The following CPNE8 variants were observed in gnomAD, a reference collection of about 807,000 sequenced individuals.
The protein encoded by CPNE8 is copine 8.
CPNE8 carries 45 observed loss-of-function variants against 81.5 expected under a neutral mutation model. That is an observed-to-expected ratio of 0.55 (90% CI 0.44 to 0.71). The LOEUF is 0.71. Among genes scored for constraint, CPNE8 ranks in the 30% least tolerant of loss-of-function variants. The probability of loss-of-function intolerance (pLI) is 0.00; values close to 1 mark genes in which losing one functional copy is unlikely to be tolerated. For synonymous variants in CPNE8, 252 were observed against 226.3 expected (o/e 1.11, Z -1.02); for missense variants, 594 against 672.1 (o/e 0.88, Z 1.28).
At chr12:38,905,326 A>C (rs1364585830) in intron 1 of CPNE8, 111 bp downstream of exon 1, 1 of 1,253,500 alleles carries the variant, frequency 8.0e-7, no homozygotes, top group Admixed American at 2.1e-5. Flanking sequence ...TTTCCCACTC[A>C]TGGCGCAACT....
At chr12:38,892,994 C>T (rs1041100448) in intron 1 of CPNE8, among the ~76,000 whole-genome samples, 1 of 150,682 alleles carries the variant, frequency 6.6e-6, no homozygotes, top group Non-Finnish European at 1.5e-5. Flanking sequence ...AATAATCTAA[C>T]ATAATAGTTC....
At chr12:38,736,915 G>A (rs1297241404) in intron 10 of CPNE8, among the ~76,000 whole-genome samples, 1 of 152,018 alleles carries the variant, frequency 6.6e-6, no homozygotes, top group Non-Finnish European at 1.5e-5. Context: ...ACTTTACTGT[G>A]CTCATGTCTG....
At chr12:38,741,127 A>C (rs1941090149) in intron 10 of CPNE8, among the ~76,000 whole-genome samples, 1 of 152,204 alleles carries the variant, frequency 6.6e-6, no homozygotes, top group Non-Finnish European at 1.5e-5. Context: ...TATAGATTCA[A>C]TGCCATCCCC....
At chr12:38,848,728 T>C (rs1470546789) in intron 3 of CPNE8, 66 bp from the exon 4 acceptor site, 1 of 1,464,930 alleles carries the variant, frequency 6.8e-7, no homozygotes, top group African/African-American at 1.5e-5. Context: ...GTATAGTACT[T>C]AATATCACAC....
chr12:38,767,400 CAAAT>C (rs1449809626), intron 8 of CPNE8, among the ~76,000 whole-genome samples: 1 of 151,850 alleles, frequency 6.6e-6, no homozygotes, highest in African/African-American at 2.4e-5. Context: ...AATTGTATAA[CAAAT>C]AAAGAGGAAA....
At chr12:38,656,526 T>G (rs1255981104) in intron 19 of CPNE8, among the ~76,000 whole-genome samples, 2 of 152,106 alleles carry the variant, frequency 1.3e-5, no homozygotes, top group Non-Finnish European at 1.5e-5. Flanking sequence ...TTAAACTCAT[T>G]TAAGTTTTTA....
intron 13 of CPNE8, among the ~76,000 whole-genome samples, chr12:38,718,152 T>C (rs1049191109): frequency 2.6e-5 from 4 of 152,108 alleles, no homozygotes; most frequent in African/African-American, 9.7e-5. Flanking sequence ...AAGGTTTTTG[T>C]TTATTTTATT....
intron 10 of CPNE8, among the ~76,000 whole-genome samples, chr12:38,744,670 T>C (rs1619885): frequency 0.81 from 122,869 of 152,100 alleles, 52,544 homozygotes; most frequent in Middle Eastern, 0.97. Flanking sequence ...ATTCTGAAGC[T>C]GTCATCTAGG....
intron 6 of CPNE8, among the ~76,000 whole-genome samples, chr12:38,799,261 C>A (rs556797981): frequency 6.6e-6 from 1 of 151,816 alleles, no homozygotes; most frequent in East Asian, 1.9e-4. Flanking sequence ...TTTCAGCACA[C>A]CACACCTATT....
chr12:38,735,297 C>A (rs952800959), intron 10 of CPNE8, among the ~76,000 whole-genome samples: 26 of 151,936 alleles, frequency 1.7e-4, no homozygotes, highest in African/African-American at 6.3e-4. Flanking sequence ...TATGATGACC[C>A]TAATTAAACG....
At chr12:38,736,530 A>T (rs1684417) in intron 10 of CPNE8, among the ~76,000 whole-genome samples, 1 of 151,648 alleles carries the variant, frequency 6.6e-6, no homozygotes, top group Admixed American at 6.6e-5. Flanking sequence ...TTTTAAAAAA[A>T]AGAATATATA....
chr12:38,762,053 A>T, intron 9 of CPNE8, 59 bp downstream of exon 9: 1 of 852,132 alleles, frequency 1.2e-6, no homozygotes, highest in South Asian at 3.3e-5. Flanking sequence ...ACTTCCTCAA[A>T]TCACTGTAGA....
chr12:38,660,052 T>C (rs891048695), intron 19 of CPNE8, among the ~76,000 whole-genome samples: 3 of 152,192 alleles, frequency 2.0e-5, no homozygotes, highest in Admixed American at 1.3e-4. Context: ...AGGCAATTTA[T>C]AGATTCAATG....
chr12:38,653,726 A>G lies in CPNE8; in HGVS notation c.*156T>C, dbSNP rs1486869814. On this transcript the variant is annotated 3_prime_UTR_variant, in exon 20 of 20. Transcript: ENST00000331366. ...ACAACCATATTTACAGTTTTGGTTT[A>G]GGAAGATATTTAAATTTGGATCCAA... 8.9e-7 allele frequency: 1 copy of G among 1,119,850 alleles called. No homozygotes were observed. The highest frequency in any genetic ancestry group is 1.2e-6 in the Non-Finnish European group (1 of 853,302). The allele number at this position is 1,119,850 out of a possible 1,614,324, so 69.4% of individuals were successfully genotyped here. A position where few individuals can be genotyped will look rare whatever the true frequency, so the allele number is the denominator to read the frequency against.
chr12:38,857,490 C>G (rs749438982), intron 3 of CPNE8, among the ~76,000 whole-genome samples: 1 of 151,620 alleles, frequency 6.6e-6, no homozygotes, highest in East Asian at 2.0e-4. Flanking sequence ...TTATCAATGT[C>G]GATATTCTGG....
chr12:38,822,764 C>T (rs1359857383), intron 6 of CPNE8, among the ~76,000 whole-genome samples: 1 of 151,270 alleles, frequency 6.6e-6, no homozygotes, highest in East Asian at 1.9e-4. Context: ...GACCCATAGA[C>T]ATAAAAAAAA....
At chr12:38,689,392 G>T (rs986866336) in intron 15 of CPNE8, among the ~76,000 whole-genome samples, 2 of 152,160 alleles carry the variant, frequency 1.3e-5, no homozygotes, top group Non-Finnish European at 2.9e-5. Context: ...CTCTGTTGCT[G>T]CCTGCAGCCT....
At chr12:38,905,818 A>G (rs1433132830), upstream of CPNE8, 22 of 984,984 alleles carry the variant, frequency 2.2e-5, no homozygotes, top group Non-Finnish European at 2.7e-5. Context: ...CGGGCGGGGG[A>G]CACACTCCGT....
chr12:38,744,578 C>A (rs564340609), intron 10 of CPNE8, among the ~76,000 whole-genome samples: 1 of 152,238 alleles, frequency 6.6e-6, no homozygotes, highest in East Asian at 1.9e-4. Flanking sequence ...TAGATGTCAT[C>A]TCTTTAACAC....
Sources: gnomAD v4.1 joint callset for allele counts (sites outside exome capture counted in the v4.1 genomes callset) on GRCh38, gnomAD v4.1.1 for gene constraint, MANE v1.5 for transcripts, NCBI Gene and HGNC (gene_info 2026-07-23, HGNC 2026-07-21) for gene names.